The following CYP7B1 variants were observed in gnomAD, a reference collection of about 807,000 sequenced individuals.
CYP7B1 encodes the protein cytochrome P450 7B1.
Under a neutral mutation model 42.7 loss-of-function variants are expected in CYP7B1, and 29 were observed. That is an observed-to-expected ratio of 0.68 (90% confidence interval 0.51 to 0.93). The LOEUF is 0.93. Among genes scored for constraint, CYP7B1 ranks in the 40% least tolerant of loss-of-function variants. The probability of loss-of-function intolerance (pLI) is 0.00; values close to 1 mark genes in which losing one functional copy is unlikely to be tolerated. For synonymous variants in CYP7B1, 235 were observed against 218.2 expected, an observed-to-expected ratio of 1.08 and a Z score of -0.68; for missense variants, 655 against 600.5, an observed-to-expected ratio of 1.09 and a Z score of -0.95.
At chr8:64,627,201 T>C (rs1585815996) in intron 1 of CYP7B1, among the ~76,000 whole-genome samples, 2 of 152,202 alleles carry the variant, frequency 1.3e-5, no homozygotes, top group East Asian at 3.8e-4. Flanking sequence ...TCATTATACT[T>C]TCTCCCATTA....
At chr8:64,685,266 C>T (rs1313078239) in intron 1 of CYP7B1, among the ~76,000 whole-genome samples, 2 of 147,542 alleles carry the variant, frequency 1.4e-5, no homozygotes, top group Non-Finnish European at 3.0e-5. Context: ...GCCGAGATTG[C>T]AGCCTCTGCC....
At chr8:64,696,334 T>G (rs1439593452) in intron 1 of CYP7B1, among the ~76,000 whole-genome samples, 1 of 152,146 alleles carries the variant, frequency 6.6e-6, no homozygotes, top group Non-Finnish European at 1.5e-5. Flanking sequence ...AATCAAACAT[T>G]TAGCCTTTAT....
At chr8:64,698,581 T>C (rs1806867081) in intron 1 of CYP7B1, among the ~76,000 whole-genome samples, 1 of 152,158 alleles carries the variant, frequency 6.6e-6, no homozygotes. Context: ...AAAATAATTA[T>C]ATGAAAAGGA....
chr8:64,635,650 T>C (rs1563371493), intron 1 of CYP7B1, among the ~76,000 whole-genome samples: 1 of 152,240 alleles, frequency 6.6e-6, no homozygotes, highest in Non-Finnish European at 1.5e-5. Context: ...ATAATGGCAA[T>C]GTAAAAGCAA....
At chr8:64,681,828 C>A (rs1806543305) in intron 1 of CYP7B1, among the ~76,000 whole-genome samples, 1 of 152,126 alleles carries the variant, frequency 6.6e-6, no homozygotes. Context: ...GATTCTCGGA[C>A]CTCAGAAACT....
At chr8:64,691,346 A>G (rs1425493542) in intron 1 of CYP7B1, among the ~76,000 whole-genome samples, 2 of 152,058 alleles carry the variant, frequency 1.3e-5, no homozygotes, top group Admixed American at 1.3e-4. Flanking sequence ...ATGGCTACCT[A>G]CCTTCTCCTC....
chr8:64,669,874 G>T (rs1019125120), intron 1 of CYP7B1, among the ~76,000 whole-genome samples: 2 of 152,134 alleles, frequency 1.3e-5, no homozygotes, highest in African/African-American at 4.8e-5. Flanking sequence ...ATTCCAAAGG[G>T]AGAACAGGTA....
At chr8:64,656,100 A>G (rs1040040866) in intron 1 of CYP7B1, among the ~76,000 whole-genome samples, 2 of 152,288 alleles carry the variant, frequency 1.3e-5, no homozygotes, top group Admixed American at 1.3e-4. Context: ...TCTGTACAAG[A>G]AGTCCCTGTT....
downstream of CYP7B1, among the ~76,000 whole-genome samples, chr8:64,587,360 T>C (rs898917020): frequency 3.3e-5 from 5 of 152,190 alleles, no homozygotes; most frequent in Non-Finnish European, 7.4e-5. Flanking sequence ...GGCGCAATTG[T>C]CCTTCAACCG....
At chr8:64,598,568 C>A (rs1805152316) in intron 5 of CYP7B1, among the ~76,000 whole-genome samples, 1 of 152,168 alleles carries the variant, frequency 6.6e-6, no homozygotes, top group African/African-American at 2.4e-5. Context: ...GAAAACTTAG[C>A]TTGGATTATG....
At chr8:64,674,944 T>C (rs1419976925) in intron 1 of CYP7B1, among the ~76,000 whole-genome samples, 2 of 152,118 alleles carry the variant, frequency 1.3e-5, no homozygotes, top group Non-Finnish European at 2.9e-5. Context: ...ATTTTTTTTA[T>C]GACTGGGGCT....
chr8:64,725,531 T>C (rs907867335), intron 1 of CYP7B1, among the ~76,000 whole-genome samples: 1 of 152,218 alleles, frequency 6.6e-6, no homozygotes, highest in South Asian at 2.1e-4. Context: ...TCCCTGACTC[T>C]TGCCCTAGGG....
chr8:64,747,667 G>A (rs987310429), intron 1 of CYP7B1, among the ~76,000 whole-genome samples: 9 of 151,394 alleles, frequency 5.9e-5, no homozygotes, highest in Admixed American at 5.3e-4. Flanking sequence ...TGTTGTTCAA[G>A]GGCAAACTAT....
rs1261771266 is a variant in CYP7B1, at chr8:64,798,530, G to A, written c.58C>T (p.Pro20Ser). 3 of 1,501,586 alleles carry A rather than the reference G, an allele frequency of 2.0e-6. No homozygotes were observed. Among genetic ancestry groups the A allele is most frequent in the Admixed American group, 4.3e-5 (2 of 46,620 alleles). 93.0% of individuals were successfully genotyped at this position (1,501,586 alleles called of 1,614,324 possible). Residue 20 changes from proline to serine, a missense_variant, in exon 1 of 6, where the codon CCG becomes TCG. Pro to Ser is a moderately conservative substitution (Grantham distance 74). Coordinates refer to ENST00000310193, the MANE Select transcript of CYP7B1 (RefSeq NM_004820.5). The stretch of plus-strand genomic sequence containing the variant: ...AGGGCCGCGGCGAGGGCCAGGCCCG[G>A]GAGGCCCAACCGCTCCAGCGAAAAG... ...GRFSLERLGL[P>S]GLALAAALLL... is the part of the protein sequence containing the mutation.
At position 64,591,194 on chromosome 8, in the gene CYP7B1, A is replaced by G. The variant is rs1805028356; in HGVS notation, c.*5448T>C. Among the ~76,000 whole-genome samples the G allele has an allele frequency of 6.6e-6, 1 of 152,194 alleles. No individual in the cohort carries two copies. The highest frequency in any genetic ancestry group is 2.4e-5 in the African/African-American group (1 of 41,466). ...TTTAAGCCAAAAAGTTCAAACATCA[A>G]TGATCACTGATTTAGATAAACAAAT... is the stretch of plus-strand genomic sequence containing the variant. On this transcript the variant is annotated 3_prime_UTR_variant, in exon 6 of 6. Transcript: ENST00000310193.
chr8:64,687,465 T>C (rs1428112167), intron 1 of CYP7B1, among the ~76,000 whole-genome samples: 1 of 152,202 alleles, frequency 6.6e-6, no homozygotes, highest in Non-Finnish European at 1.5e-5. Context: ...TCTGGGGTGA[T>C]GAAAATGTTC....
At chr8:64,590,083 G>T (rs143445198), downstream of CYP7B1, among the ~76,000 whole-genome samples, 6 of 152,162 alleles carry the variant, frequency 3.9e-5, no homozygotes, top group African/African-American at 1.4e-4. Context: ...ATTCTGGAAG[G>T]TTCTGCAAAT....
At chr8:64,618,570 T>TTCTCTCTCTCTCTCTCTCTC (rs10530120) in intron 2 of CYP7B1, among the ~76,000 whole-genome samples, 2,066 of 146,246 alleles carry the variant, frequency 0.014, 53 homozygotes, top group African/African-American at 0.049. Flanking sequence ...CACATTCATT[T>TTCTCTCTCTCTCTCTCTCTC]TCTCTCTCTC....
chr8:64,698,290 T>G (rs1289034338), intron 1 of CYP7B1, among the ~76,000 whole-genome samples: 2 of 152,060 alleles, frequency 1.3e-5, no homozygotes, highest in Non-Finnish European at 2.9e-5. Context: ...TGGCATGGTG[T>G]TGATTTAGAT....
Sources: allele counts gnomAD v4.1 joint callset (sites outside exome capture counted in the v4.1 genomes callset), GRCh38; gene constraint gnomAD v4.1.1; transcripts MANE v1.5; gene names NCBI Gene and HGNC (gene_info 2026-07-23, HGNC 2026-07-21).